Variants in ANKAR observed in about 807,000 individuals in gnomAD.
ANKAR encodes the protein ankyrin and armadillo repeat-containing protein.
In ANKAR, 136 loss-of-function variants were observed where a neutral mutation model predicts 146.2. The observed-to-expected ratio is 0.93, with a 90% CI of 0.81 to 1.07. The LOEUF (loss-of-function observed/expected upper bound fraction) is 1.07. Among genes scored for constraint, ANKAR ranks in the 50% least tolerant of loss-of-function variants. ANKAR has a pLI of 0.00. For synonymous variants in ANKAR, 500 were observed against 575.8 expected (o/e 0.87, Z 1.88); for missense variants, 1,567 against 1,679.9 (o/e 0.93, Z 1.18).
chr2:189,734,709 T>C (rs1406719889), intron 17 of ANKAR, among the ~76,000 whole-genome samples: 1 of 152,022 alleles, frequency 6.6e-6, no homozygotes, highest in Non-Finnish European at 1.5e-5. Context: ...TATAAAAATA[T>C]GGGAAATATT....
At chr2:189,707,654 A>G (rs1333660278) in intron 9 of ANKAR, among the ~76,000 whole-genome samples, 1 of 150,230 alleles carries the variant, frequency 6.7e-6, no homozygotes, top group African/African-American at 2.4e-5. Flanking sequence ...CAGTCTAGCC[A>G]AAATAAGGGT....
chr2:189,731,682 T>TC (rs377366568), intron 16 of ANKAR, among the ~76,000 whole-genome samples: 4 of 151,394 alleles, frequency 2.6e-5, no homozygotes, highest in Admixed American at 6.6e-5. Flanking sequence ...GTTTCTTTTT[T>TC]AATCTGTATT....
chr2:189,722,653 C>T (rs978619925), intron 12 of ANKAR, among the ~76,000 whole-genome samples: 10 of 151,932 alleles, frequency 6.6e-5, no homozygotes, highest in Non-Finnish European at 1.5e-4. Flanking sequence ...GAGGCCAAGG[C>T]GGGTGGATCA....
rs183875592 is a variant in ANKAR, at chr2:189,692,275, C to T, written c.1060C>T (p.Arg354Ter). 4.7e-5 allele frequency: 75 copies of T among 1,611,116 alleles called. No individual in the cohort carries two copies. In the East Asian group the frequency reaches 7.6e-4, roughly 16 times the overall value. ...PFSDDKVKTE[R>*]ELPPFIYGRD... ...TGGAGATGACAAGGTCAAGACAGAGCGAGAATTGCCTCCATTTATTTATGG... is the reference window on the plus strand; with the variant it reads ...TGGAGATGACAAGGTCAAGACAGAGTGAGAATTGCCTCCATTTATTTATGG... The change falls in exon 4 of 23, where the codon CGA (arginine) becomes TGA (stop). Residue 354 changes from arginine to a stop codon, truncating the protein, a stop_gained. Transcript: ENST00000684021. LOFTEE classifies it high-confidence loss of function.
chr2:189,712,766 A>G (rs2039882171), intron 10 of ANKAR, among the ~76,000 whole-genome samples: 1 of 152,208 alleles, frequency 6.6e-6, no homozygotes, highest in Non-Finnish European at 1.5e-5. Context: ...CTGGACAGAG[A>G]ATGACTTTGA....
intron 18 of ANKAR, among the ~76,000 whole-genome samples, chr2:189,753,360 TA>T: frequency 6.6e-6 from 1 of 152,326 alleles, no homozygotes; most frequent in African/African-American, 2.4e-5. Flanking sequence ...TACTACCATT[TA>T]AACATTTTCC....
chr2:189,740,322 T>A (rs2105890545), intron 19 of ANKAR, among the ~76,000 whole-genome samples: 2 of 151,810 alleles, frequency 1.3e-5, no homozygotes, highest in Non-Finnish European at 2.9e-5. Flanking sequence ...TTTAGACAAT[T>A]TTTGCTTTAG....
At chr2:189,739,656 C>CA (rs1338503289) in intron 19 of ANKAR, among the ~76,000 whole-genome samples, 1 of 151,796 alleles carries the variant, frequency 6.6e-6, no homozygotes, top group East Asian at 1.9e-4. Context: ...CTCCGCCTCC[C>CA]AGGTTCAAGC....
intron 19 of ANKAR, among the ~76,000 whole-genome samples, chr2:189,740,350 C>T (rs2043208814): frequency 6.6e-6 from 1 of 152,160 alleles, no homozygotes; most frequent in Non-Finnish European, 1.5e-5. Context: ...AACCAATTTT[C>T]CCCATTCGGA....
At chr2:189,734,226 A>G (rs1480219443) in intron 17 of ANKAR, among the ~76,000 whole-genome samples, 2 of 152,182 alleles carry the variant, frequency 1.3e-5, no homozygotes, top group Non-Finnish European at 2.9e-5. Flanking sequence ...TTTGTAGTTA[A>G]TAAGTATCTT....
chr2:189,728,971 A>C, intron 15 of ANKAR, 150 bp downstream of exon 15: 1 of 736,078 alleles, frequency 1.4e-6, no homozygotes, highest in Non-Finnish European at 2.0e-6. Context: ...TAACTTTTAA[A>C]GTTTGTCTAA....
At position 189,719,692 on chromosome 2, in the gene ANKAR, C is replaced by T. The variant is rs1200531028; in HGVS notation, c.2345C>T (p.Ala782Val). The T allele has an allele frequency of 4.3e-6, 7 of 1,614,040 alleles. No homozygotes were observed. Among genetic ancestry groups the T allele is most frequent in the Non-Finnish European group, 4.2e-6 (5 of 1,179,988 alleles). Reference protein sequence around the residue: ...HKSAVHALVEAGGIPSLINLL... With the variant: ...HKSAVHALVEVGGIPSLINLL... ...AGTGCAGTGCATGCTTTGGTAGAAGCGGGAGGCATTCCATCTCTAATCAAC... is the reference window on the plus strand; with the variant it reads ...AGTGCAGTGCATGCTTTGGTAGAAGTGGGAGGCATTCCATCTCTAATCAAC... The change falls in exon 11 of 23, where the codon GCG becomes GTG. Residue 782 changes from alanine to valine, a missense_variant. Coordinates refer to ENST00000684021, the MANE Select transcript of ANKAR (RefSeq NM_001378068.1).
rs139823318 is a variant in ANKAR, at chr2:189,729,695, C to CGTGTGTGT, written c.3194-786_3194-779dup. ...TTCAAATCTGTCCACATCAGCTGTG[C>CGTGTGTGT]GTGTGTGTGTGTGTGTGTGTGGTGC... is the stretch of plus-strand genomic sequence containing the variant. On this transcript the variant is annotated intron_variant, in intron 15 of 22. Transcript: ENST00000684021. Among the ~76,000 whole-genome samples, 83 of 94,246 alleles carry CGTGTGTGT rather than the reference C, an allele frequency of 8.8e-4. 1 individual carries two copies. Among genetic ancestry groups the CGTGTGTGT allele is most frequent in the Middle Eastern group, 5.4e-3 (1 of 186 alleles). 61.8% of individuals were successfully genotyped at this position (94,246 alleles called of 152,430 possible).
chr2:189,704,898 T>C (rs980557920), intron 7 of ANKAR, 125 bp from the exon 8 acceptor site: 20 of 809,810 alleles, frequency 2.5e-5, no homozygotes, highest in Middle Eastern at 2.4e-4. Context: ...TTTTTTTTAA[T>C]GCTTACTTTG....
At position 189,728,279 on chromosome 2, in the gene ANKAR, G is replaced by C. The variant is rs754028678; in HGVS notation, c.2890G>C (p.Asp964His). Residue 964 changes from aspartate (D) to histidine (H), a missense_variant, in exon 14 of 23, where the codon GAT becomes CAT. By Grantham distance (81) the Asp-to-His change is moderately conservative (BLOSUM62 -1). Transcript: ENST00000684021. The part of the protein sequence containing the change: ...LLKLLKAFQI[D>H]VKEQGAVALW... ...TTTTTAAAAATAGGCATTTCAAATAGATGTTAAGGAACAAGGAGCTGTTGC... is the reference window on the plus strand; with the variant it reads ...TTTTTAAAAATAGGCATTTCAAATACATGTTAAGGAACAAGGAGCTGTTGC... The C allele has an allele frequency of 2.5e-6, 4 of 1,597,726 alleles. No individual in the cohort carries two copies. Among genetic ancestry groups the C allele is most frequent in the South Asian group, 1.2e-5 (1 of 86,132 alleles).
chr2:189,738,322 G>T (rs2105883267), intron 18 of ANKAR, among the ~76,000 whole-genome samples: 1 of 152,086 alleles, frequency 6.6e-6, no homozygotes. Context: ...TATTGAAAGG[G>T]TGCAAAAGTT....
chr2:189,727,746 A>G, intron 12 of ANKAR, 110 bp from the exon 13 acceptor site: 1 of 1,336,864 alleles, frequency 7.5e-7, no homozygotes, highest in Non-Finnish European at 1.0e-6. Flanking sequence ...TATTTTCTCT[A>G]AGCTTTTTAT....
rs759523220 is a variant in ANKAR at position 189,719,605 on chromosome 2, G to T, written c.2258G>T (p.Ser753Ile). 5.0e-6 allele frequency: 8 copies of T among 1,612,932 alleles called. No homozygotes were observed. Among genetic ancestry groups the T allele is most frequent in the Middle Eastern group, 3.3e-4 (2 of 6,028 alleles). Reference sequence around the variant, plus strand: ...CCTGCCTTAATCAATCTATTAAAAAGTTCCAAAATAAAACTGCAGTGCAAA... The same window carrying T: ...CCTGCCTTAATCAATCTATTAAAAATTTCCAAAATAAAACTGCAGTGCAAA... ...TIPALINLLK[S>I]SKIKLQCKTV... Residue 753 changes from serine (S) to isoleucine (I), a missense_variant, in exon 11 of 23, where the codon AGT (serine) becomes ATT (isoleucine). Ser to Ile is a moderately radical substitution (Grantham distance 142, BLOSUM62 -2). Coordinates refer to ENST00000684021, the MANE Select transcript of ANKAR (RefSeq NM_001378068.1).
rs1042379082 is a variant in ANKAR at position 189,730,488 on chromosome 2, C to G, written c.3194-7C>G. 6.4e-7 allele frequency: 1 copy of G among 1,552,208 alleles called. No homozygotes were observed. The highest frequency in any genetic ancestry group is 8.8e-7 in the Non-Finnish European group (1 of 1,136,384). On this transcript the variant is annotated splice_region_variant and splice_polypyrimidine_tract_variant and intron_variant, in intron 15 of 22. Transcript: ENST00000684021. ...AAATATTACCTCACTGGCGTGGACT[C>G]TTACAGGTGTAGCCCATACAAGCAA...
Sources: allele counts gnomAD v4.1 joint callset (sites outside exome capture counted in the v4.1 genomes callset), GRCh38; gene constraint gnomAD v4.1.1; transcripts MANE v1.5; gene names NCBI Gene and HGNC (gene_info 2026-07-23, HGNC 2026-07-21).